Variants in NOTCH1 observed in about 807,000 individuals in gnomAD.
NOTCH1 encodes the protein notch receptor 1.
Under a neutral mutation model 254.8 loss-of-function variants are expected in NOTCH1, and 37 were observed. The ratio of observed to expected loss-of-function variants is 0.15; its 90% CI spans 0.11 to 0.19. The LOEUF (loss-of-function observed/expected upper bound fraction) is 0.19. Ranked by LOEUF, NOTCH1 falls within the 10% of genes least tolerant of loss-of-function variation. The probability of loss-of-function intolerance (pLI) is 1.00; values close to 1 mark genes in which losing one functional copy is unlikely to be tolerated. For missense variants in NOTCH1, 2,972 were observed against 3,708.6 expected, an observed-to-expected ratio of 0.80 and a Z score of 5.16; for synonymous variants, 1,731 against 1,618.1, an observed-to-expected ratio of 1.07 and a Z score of -1.68.
intron 26 of NOTCH1, among the ~76,000 whole-genome samples, chr9:136,503,932 CG>C (rs1564189884): frequency 6.6e-6 from 1 of 152,262 alleles, no homozygotes; most frequent in Non-Finnish European, 1.5e-5. Context: ...TGCCCCAGAT[CG>C]AGTAGGCATG....
rs56091397 is a variant in NOTCH1, at chr9:136,540,678, A to G, written c.140+3346T>C. On this transcript the variant is annotated intron_variant, in intron 2 of 33. Transcript: ENST00000651671. This position sits in a 1 kb window ranked among gnomAD's most constrained non-coding sequence, Gnocchi z 4.4. ...GCATGACCTGATGACCCAAGGTCAC[A>G]GAGCTAGTGGCCAGGCCAGGCCTCA... Among the ~76,000 whole-genome samples, 17,764 of 151,986 alleles carry G rather than the reference A, an allele frequency of 0.12. 2,298 individuals carry two copies. Among genetic ancestry groups the G allele is most frequent in the African/African-American group, 0.32 (13,424 of 41,382 alleles).
At chr9:136,516,914 C>A (rs935477708) in intron 9 of NOTCH1, among the ~76,000 whole-genome samples, 1 of 151,570 alleles carries the variant, frequency 6.6e-6, no homozygotes, top group African/African-American at 2.4e-5. Context: ...TGGCCAGGCC[C>A]CCCTCAGAAG....
rs770841438 is a variant in NOTCH1, at chr9:136,502,534, G to A, written c.5168-46C>T. ...GGCAGGTGCCCGGACATCAGGCAGC[G>A]GCTACGCAGCAGGCTGGTGGCCGGG... On this transcript the variant is annotated intron_variant, in intron 27 of 33. Coordinates refer to ENST00000651671, the MANE Select transcript of NOTCH1 (RefSeq NM_017617.5). 3.0e-5 allele frequency: 40 copies of A among 1,335,136 alleles called. 1 individual carries two copies. Among genetic ancestry groups the A allele is most frequent in the South Asian group, 2.9e-4 (19 of 66,608 alleles). The allele number at this position is 1,335,136 out of a possible 1,614,324, so 82.7% of individuals were successfully genotyped here.
At position 136,506,397 on chromosome 9, in the gene NOTCH1, A is replaced by T; in HGVS notation, c.4014+130T>A. On this transcript the variant is annotated intron_variant, in intron 24 of 33. Transcript: ENST00000651671. The surrounding 1 kb of genome is among the most constrained non-coding windows in gnomAD (Gnocchi z 4.5). ...TTTATTGAAACTAAAAAAAAAAAAA[A>T]GACATCAGGGTGAGGAGGAGGATGA... is the stretch of plus-strand genomic sequence containing the variant. 1 of 681,368 alleles carries T rather than the reference A, an allele frequency of 1.5e-6. No homozygotes were observed. The highest frequency in any genetic ancestry group is 2.4e-6 in the Non-Finnish European group (1 of 408,996). The allele number at this position is 681,368 out of a possible 1,614,324, so 42.2% of individuals were successfully genotyped here.
intron 2 of NOTCH1, among the ~76,000 whole-genome samples, chr9:136,526,915 G>T (rs1033024008): frequency 6.6e-6 from 1 of 152,222 alleles, no homozygotes; most frequent in Non-Finnish European, 1.5e-5. Flanking sequence ...AGGCTCCCGT[G>T]GGGGAATGCA....
chr9:136,529,251 C>T (rs915230071), intron 2 of NOTCH1, among the ~76,000 whole-genome samples: 15 of 152,204 alleles, frequency 9.9e-5, no homozygotes, highest in Admixed American at 1.3e-4. Context: ...CTACTGGAGA[C>T]GGGGAGACAA....
Position 136,513,360 on chromosome 9 carries a change from C to T in NOTCH1, c.2353+32G>A, listed in dbSNP as rs748896087. Reference sequence around the variant, plus strand: ...CCAGCTCCCCAGACTCGAGGGCGGCCCTCTGCACTGAGAAACGCGCAGCCC... The same window carrying T: ...CCAGCTCCCCAGACTCGAGGGCGGCTCTCTGCACTGAGAAACGCGCAGCCC... On this transcript the variant is annotated intron_variant, in intron 14 of 33. Transcript: ENST00000651671. This position sits in a 1 kb window ranked among gnomAD's most constrained non-coding sequence, Gnocchi z 4.7. The T allele has an allele frequency of 8.7e-6, 14 of 1,612,266 alleles. No homozygotes were observed. The highest frequency in any genetic ancestry group is 1.2e-5 in the Non-Finnish European group (14 of 1,179,960).
At position 136,519,644 on chromosome 9, in the gene NOTCH1, G is replaced by A. The variant is rs576724475; in HGVS notation, c.743-79C>T. 18 of 1,598,306 alleles carry A rather than the reference G, an allele frequency of 1.1e-5. 1 individual carries two copies. The South Asian group carries it at 1.7e-4, about 15-fold the overall frequency. On this transcript the variant is annotated intron_variant, in intron 4 of 33. Coordinates refer to ENST00000651671, the MANE Select transcript of NOTCH1 (RefSeq NM_017617.5). ...GCCTGGACCCCCGACACACTGCTCTGGACACAAGAGCCTGGCCTCCACGGC... is the reference window on the plus strand; with the variant it reads ...GCCTGGACCCCCGACACACTGCTCTAGACACAAGAGCCTGGCCTCCACGGC...
In NOTCH1 at chr9:136,496,699, A is replaced by G. The variant is rs1387630219; in HGVS notation, c.7040T>C (p.Val2347Ala). ...TQAPSLQHGM[V>A]GPLHSSLAAS... ...AGCAAGGCTACTGTGCAGCGGGCCT[A>G]CCATGCCATGCTGCAGGGAGGGGGC... is the stretch of plus-strand genomic sequence containing the variant. The change falls in exon 34 of 34, where the codon GTA becomes GCA. Residue 2347 changes from valine to alanine, a missense_variant. By Grantham distance (64) the Val-to-Ala change is moderately conservative. This residue lies in a region of NOTCH1 where 529 missense variants were observed against 529.2 expected (regional missense o/e 1.00). Coordinates refer to ENST00000651671, the MANE Select transcript of NOTCH1 (RefSeq NM_017617.5). 1.2e-6 allele frequency: 2 copies of G among 1,612,784 alleles called. No homozygotes were observed.
rs11145765 is a variant in NOTCH1 at position 136,508,828 on chromosome 9, C to T, written c.3171+42G>A. ...CACCTCCCGCAGGTAGGCACCCACC[C>T]AGGGCCCCTCCTTCGGGCACCTCTG... On this transcript the variant is annotated intron_variant, in intron 19 of 33. Transcript: ENST00000651671. 148,184 of 1,516,588 alleles carry T rather than the reference C, an allele frequency of 0.098. 8,604 individuals carry two copies. Among genetic ancestry groups the T allele is most frequent in the South Asian group, 0.23 (19,007 of 81,440 alleles). The allele number at this position is 1,516,588 out of a possible 1,614,324, so 93.9% of individuals were successfully genotyped here.
At chr9:136,517,407 A>T in intron 8 of NOTCH1, 22 bp from the exon 9 acceptor site, 1 of 1,508,248 alleles carries the variant, frequency 6.6e-7, no homozygotes, top group Non-Finnish European at 9.1e-7. Flanking sequence ...GGCAACAGTG[A>T]GGGGGGCACG....
rs887042720 is a variant in NOTCH1 at position 136,545,523 on chromosome 9, C to T, written c.61+203G>A. Among the ~76,000 whole-genome samples the T allele has an allele frequency of 6.6e-6, 1 of 151,738 alleles. No individual in the cohort carries two copies. The highest frequency in any genetic ancestry group is 2.4e-5 in the African/African-American group (1 of 41,292). On this transcript the variant is annotated intron_variant, in intron 1 of 33. Transcript: ENST00000651671. This position sits in a 1 kb window ranked among gnomAD's most constrained non-coding sequence, Gnocchi z 6.8. ...GCTCCAGGCACGGGCGGCGCGAGTC[C>T]GCCTCCACGGGGGGATCGAGGGGGA...
At chr9:136,516,368 G>A (rs922515599) in intron 9 of NOTCH1, among the ~76,000 whole-genome samples, 3 of 152,222 alleles carry the variant, frequency 2.0e-5, no homozygotes, top group Non-Finnish European at 4.4e-5. Context: ...GCTGAGAATG[G>A]GGCTCCCCTC....
chr9:136,518,939 C>T (rs1044588795), intron 5 of NOTCH1, 115 bp from the exon 6 acceptor site: 1 of 817,860 alleles, frequency 1.2e-6, no homozygotes, highest in African/African-American at 1.7e-5. Context: ...GGGCTGACTC[C>T]TCCACCCACC....
intron 2 of NOTCH1, chr9:136,543,156 G>C (rs946538671): frequency 8.7e-5 from 14 of 161,486 alleles, no homozygotes; most frequent in African/African-American, 3.1e-4. Context: ...GGAAGAGGGA[G>C]CTGGGGCAAA....
chr9:136,508,456 T>G (rs3812603), intron 19 of NOTCH1, 71 bp from the exon 20 acceptor site: 1 of 1,604,018 alleles, frequency 6.2e-7, no homozygotes, highest in East Asian at 2.2e-5. Flanking sequence ...AACGCACATC[T>G]GCCAAGGGGC....
intron 11 of NOTCH1, 30 bp downstream of exon 11, chr9:136,515,453 C>T (rs936764065): frequency 1.2e-6 from 2 of 1,611,338 alleles, no homozygotes; most frequent in East Asian, 4.5e-5. Flanking sequence ...GCCCACTGGC[C>T]CCCCGCCGGC....
At chr9:136,507,022 C>A (rs749693201) in intron 22 of NOTCH1, 49 bp from the exon 23 acceptor site, 13 of 1,583,852 alleles carry the variant, frequency 8.2e-6, no homozygotes, top group Non-Finnish European at 7.7e-6. Context: ...CACCCCGGCC[C>A]TGCCGTGCCG....
Position 136,505,390 on chromosome 9 carries a change from G to A in NOTCH1, c.4506C>T (p.Asp1502=), listed in dbSNP as rs751191827. The A allele has an allele frequency of 6.5e-5, 104 of 1,611,610 alleles. No homozygotes were observed. Among genetic ancestry groups the A allele is most frequent in the Admixed American group, 1.7e-4 (10 of 59,878 alleles). ...QSLQCWKYFS[D]GHCDSQCNSA... Reference sequence around the variant, plus strand: ...AGTTGCACTGGCTGTCACAGTGGCCGTCACTGAAGTACTTCCAGCACTGCA... The same window carrying A: ...AGTTGCACTGGCTGTCACAGTGGCCATCACTGAAGTACTTCCAGCACTGCA... Residue 1502 remains aspartate, a synonymous_variant, in exon 25 of 34, where the codon GAC becomes GAT. Transcript: ENST00000651671.
Sources: gnomAD v4.1 joint callset for allele counts (sites outside exome capture counted in the v4.1 genomes callset) on GRCh38, gnomAD v4.1.1 for gene constraint, gnomAD v4.1.1 regional missense constraint, Gnocchi (gnomAD v3.1) non-coding constraint, MANE v1.5 for transcripts, NCBI Gene and HGNC (gene_info 2026-07-23, HGNC 2026-07-21) for gene names.